SOS1: variants seen among roughly 807,000 people sequenced by gnomAD.
The protein encoded by SOS1 is son of sevenless homolog 1.
SOS1 carries 25 observed loss-of-function variants against 157.6 expected under a neutral mutation model. The ratio of observed to expected loss-of-function variants is 0.16; its 90% CI spans 0.12 to 0.22. SOS1 has a LOEUF of 0.22. Among genes scored for constraint, SOS1 ranks in the 10% least tolerant of loss-of-function variants. SOS1 has a pLI of 1.00. For missense variants in SOS1, 1,237 were observed against 1,599.1 expected, an observed-to-expected ratio of 0.77 and a Z score of 3.86; for synonymous variants, 528 against 534.0, an observed-to-expected ratio of 0.99 and a Z score of 0.16.
intron 9 of SOS1, chr2:39,023,766 C>T: frequency 2.2e-6 from 1 of 461,150 alleles, no homozygotes; most frequent in East Asian, 4.1e-5. Flanking sequence ...CTCTGTCTCT[C>T]CTTCAGCTTA....
intron 1 of SOS1, among the ~76,000 whole-genome samples, chr2:39,104,488 A>C (rs1004285269): frequency 1.3e-5 from 2 of 152,204 alleles, no homozygotes; most frequent in Admixed American, 1.3e-4. Context: ...AGAGAAATTG[A>C]CATGTGTACA....
At chr2:39,102,091 G>C (rs1672986943) in intron 1 of SOS1, among the ~76,000 whole-genome samples, 1 of 150,736 alleles carries the variant, frequency 6.6e-6, no homozygotes, top group Admixed American at 6.6e-5. Context: ...CATAATCCCA[G>C]CTACTCGGGA....
intron 6 of SOS1, among the ~76,000 whole-genome samples, chr2:39,044,350 G>T (rs1426804358): frequency 6.6e-6 from 1 of 152,168 alleles, no homozygotes; most frequent in Admixed American, 6.6e-5. Context: ...TCAGCCATGA[G>T]AACTTTTGTT....
intron 1 of SOS1, among the ~76,000 whole-genome samples, chr2:39,083,997 C>A (rs1228185297): frequency 1.3e-5 from 2 of 152,110 alleles, no homozygotes. Context: ...CAATCCAAGA[C>A]TGGTATCCTT....
chr2:39,119,848 T>C (rs538834543), intron 1 of SOS1, among the ~76,000 whole-genome samples: 30 of 152,276 alleles, frequency 2.0e-4, no homozygotes, highest in African/African-American at 7.0e-4. Context: ...GAGTGAATAC[T>C]GACGGCGAGC....
At chr2:39,030,454 C>A (rs1381413647) in intron 8 of SOS1, among the ~76,000 whole-genome samples, 1 of 151,878 alleles carries the variant, frequency 6.6e-6, no homozygotes, top group Non-Finnish European at 1.5e-5. Flanking sequence ...CCTGTAGTCT[C>A]AGTTACTTGG....
At chr2:39,040,507 C>G (rs1257611844) in intron 6 of SOS1, among the ~76,000 whole-genome samples, 1 of 152,152 alleles carries the variant, frequency 6.6e-6, no homozygotes, top group Non-Finnish European at 1.5e-5. Flanking sequence ...CCCCGTAACC[C>G]TTGGTAACTT....
At chr2:39,032,611 G>T (rs758032482) in intron 8 of SOS1, among the ~76,000 whole-genome samples, 1 of 152,158 alleles carries the variant, frequency 6.6e-6, no homozygotes, top group Non-Finnish European at 1.5e-5. Flanking sequence ...ACAGTTGAAT[G>T]ATAAGGCAGA....
rs1673842211 is a variant in SOS1, at chr2:39,120,601, C to A, written c.-179G>T. On this transcript the variant is annotated 5_prime_UTR_variant, in exon 1 of 23. Transcript: ENST00000402219. Reference sequence around the variant, plus strand: ...AGGGGGCTGGGGGGCGAGGCCCGCGCCTGGCCACCCACCCGACACAGGTAC... The same window carrying A: ...AGGGGGCTGGGGGGCGAGGCCCGCGACTGGCCACCCACCCGACACAGGTAC... 2 of 622,296 alleles carry A rather than the reference C, an allele frequency of 3.2e-6. No homozygotes were observed. Among genetic ancestry groups the A allele is most frequent in the African/African-American group, 2.0e-5 (1 of 50,152 alleles). 38.5% of individuals were successfully genotyped at this position (622,296 alleles called of 1,614,324 possible).
chr2:39,045,249 A>AGAGGGAGGGAGAGG (rs1330838634), intron 6 of SOS1, among the ~76,000 whole-genome samples: 2 of 26,556 alleles, frequency 7.5e-5, no homozygotes, highest in African/African-American at 1.5e-4. Context: ...AGAGGGAGAG[A>AGAGGGAGGGAGAGG]GAGAGAGAGA....
At chr2:39,000,367 GT>G (rs1669050621) in intron 17 of SOS1, among the ~76,000 whole-genome samples, 2 of 151,768 alleles carry the variant, frequency 1.3e-5, no homozygotes, top group Non-Finnish European at 1.5e-5. Flanking sequence ...AAAACATAGC[GT>G]ATATGTGTGT....
intron 1 of SOS1, among the ~76,000 whole-genome samples, chr2:39,119,114 C>T (rs1241283234): frequency 1.3e-5 from 2 of 152,184 alleles, no homozygotes; most frequent in African/African-American, 4.8e-5. Context: ...AGAAGTCAAA[C>T]TTGCAAGTAA....
intron 20 of SOS1, among the ~76,000 whole-genome samples, chr2:38,990,379 T>TAATA (rs1668695870): frequency 6.6e-6 from 1 of 152,140 alleles, no homozygotes; most frequent in Non-Finnish European, 1.5e-5. Context: ...CAGCTAATTC[T>TAATA]AATATTACCT....
At chr2:38,996,763 T>C (rs1361326492) in intron 19 of SOS1, among the ~76,000 whole-genome samples, 159 bp downstream of exon 19, 1 of 152,212 alleles carries the variant, frequency 6.6e-6, no homozygotes, top group Admixed American at 6.5e-5. Context: ...AACATTCATT[T>C]ATTTGGAAGG....
chr2:39,119,887 G>A (rs1673800484), intron 1 of SOS1, among the ~76,000 whole-genome samples: 1 of 152,138 alleles, frequency 6.6e-6, no homozygotes, highest in Admixed American at 6.5e-5. Flanking sequence ...ACTGGCAGGC[G>A]AGCTCGCAAT....
chr2:39,060,883 A>G (rs571242165), intron 2 of SOS1, among the ~76,000 whole-genome samples: 1 of 152,284 alleles, frequency 6.6e-6, no homozygotes, highest in South Asian at 2.1e-4. Context: ...AGAGAAGGAC[A>G]GAAGTTGAAC....
chr2:39,018,236 G>C (rs1424522805), intron 10 of SOS1, among the ~76,000 whole-genome samples: 1 of 151,756 alleles, frequency 6.6e-6, no homozygotes, highest in Non-Finnish European at 1.5e-5. Flanking sequence ...TACTTGTGGA[G>C]ATAATTCCAC....
chr2:39,007,226 TAG>T lies in SOS1; in HGVS notation c.2511-35_2511-34del, dbSNP rs777371777. 10 of 1,372,826 alleles carry T rather than the reference TAG, an allele frequency of 7.3e-6. 1 individual carries two copies. The highest frequency in any genetic ancestry group is 1.0e-5 in the Non-Finnish European group (10 of 961,350). 85.0% of individuals were successfully genotyped at this position (1,372,826 alleles called of 1,614,324 possible). ...TAAAAAAAAAGTGAACTAAAGGTTT[TAG>T]AGTTTTTCCAATAAAGTTATAGCTT... On this transcript the variant is annotated intron_variant, in intron 15 of 22. Coordinates refer to ENST00000402219, the MANE Select transcript of SOS1 (RefSeq NM_005633.4).
At chr2:39,062,285 G>T (rs952377533) in intron 2 of SOS1, among the ~76,000 whole-genome samples, 1 of 151,754 alleles carries the variant, frequency 6.6e-6, no homozygotes, top group African/African-American at 2.4e-5. Flanking sequence ...AAGCATGGTG[G>T]TGCTCGCTTG....
Sources: allele counts gnomAD v4.1 joint callset (sites outside exome capture counted in the v4.1 genomes callset), GRCh38; gene constraint gnomAD v4.1.1; transcripts MANE v1.5; gene names NCBI Gene and HGNC (gene_info 2026-07-23, HGNC 2026-07-21).